Variants in SLC9A5 observed in about 807,000 individuals in gnomAD.
SLC9A5 encodes the protein solute carrier family 9 member A5.
Under a neutral mutation model 91.7 loss-of-function variants are expected in SLC9A5, and 52 were observed. That is an observed-to-expected ratio of 0.57 (90% confidence interval 0.45 to 0.71). The LOEUF is 0.71. Among genes scored for constraint, SLC9A5 ranks in the 30% least tolerant of loss-of-function variants. The probability of loss-of-function intolerance (pLI) is 0.00; values close to 1 mark genes in which losing one functional copy is unlikely to be tolerated. For missense variants in SLC9A5, 871 were observed against 1,158.9 expected (o/e 0.75, Z 3.61); for synonymous variants, 419 against 474.5 (o/e 0.88, Z 1.52).
At chr16:67,264,319 A>G (rs1410531043) in intron 12 of SLC9A5, 33 bp from the exon 13 acceptor site, 1 of 1,607,192 alleles carries the variant, frequency 6.2e-7, no homozygotes, top group East Asian at 2.2e-5. Flanking sequence ...CAAGGCATCC[A>G]TCCTCATAGC....
Position 67,257,506 on chromosome 16 carries a change from G to A in SLC9A5, c.1426-25G>A. The A allele has an allele frequency of 1.2e-6, 2 of 1,613,962 alleles. No homozygotes were observed. The highest frequency in any genetic ancestry group is 1.7e-6 in the Non-Finnish European group (2 of 1,179,870). On this transcript the variant is annotated intron_variant, in intron 8 of 15. Transcript: ENST00000299798. The surrounding 1 kb of genome is among the most constrained non-coding windows in gnomAD (Gnocchi z 5.1). ...CTATTTTGGGCAGAGTCCTGATCCA[G>A]TCCCCCTACCCACCCCCCTTCTAGA...
chr16:67,254,318 T>C (rs1163622536), intron 2 of SLC9A5, among the ~76,000 whole-genome samples: 1 of 152,232 alleles, frequency 6.6e-6, no homozygotes, highest in Non-Finnish European at 1.5e-5. Flanking sequence ...TTCCCCCTAA[T>C]AAAAATAGTT....
Position 67,257,182 on chromosome 16 carries a change from G to A in SLC9A5, c.1335+69G>A. On this transcript the variant is annotated intron_variant, in intron 7 of 15. Transcript: ENST00000299798. This position sits in a 1 kb window ranked among gnomAD's most constrained non-coding sequence, Gnocchi z 5.1. ...CCCTGGGGGAGTCTTGGAGCCTGTG[G>A]GACAGGGGCTTCTCTTCCCGCTGGG... The A allele has an allele frequency of 2.0e-6, 3 of 1,489,850 alleles. No individual in the cohort carries two copies. The highest frequency in any genetic ancestry group is 2.8e-6 in the Non-Finnish European group (3 of 1,089,708). The allele number at this position is 1,489,850 out of a possible 1,614,324, so 92.3% of individuals were successfully genotyped here.
intron 10 of SLC9A5, among the ~76,000 whole-genome samples, chr16:67,259,119 C>T (rs1282771915): frequency 6.6e-6 from 1 of 151,914 alleles, no homozygotes; most frequent in African/African-American, 2.4e-5. Flanking sequence ...ACTAGCCAGG[C>T]GTGGTGGTGG....
At position 67,270,628 on chromosome 16, in the gene SLC9A5, C is replaced by A; in HGVS notation, c.2219-110C>A. 1 of 797,648 alleles carries A rather than the reference C, an allele frequency of 1.3e-6. No homozygotes were observed. The highest frequency in any genetic ancestry group is 2.9e-5 in the Admixed American group (1 of 34,008). 49.4% of individuals were successfully genotyped at this position (797,648 alleles called of 1,614,324 possible). ...CTCAGCAAGACATTCATCCGATAAT[C>A]GCAAAAATGGACGGCATATGGAAAC... is the stretch of plus-strand genomic sequence containing the variant. On this transcript the variant is annotated intron_variant, in intron 15 of 15. Coordinates refer to ENST00000299798, the MANE Select transcript of SLC9A5 (RefSeq NM_004594.3). This position sits in a 1 kb window ranked among gnomAD's most constrained non-coding sequence, Gnocchi z 4.3.
At chr16:67,262,185 C>A (rs72798023) in intron 12 of SLC9A5, 11,262 of 436,642 alleles carry the variant, frequency 0.026, 213 homozygotes, top group Non-Finnish European at 0.036. Context: ...TTGTATTCAT[C>A]CAAATCCACA....
In SLC9A5 at chr16:67,256,053, G is replaced by A. The variant is rs2035306268; in HGVS notation, c.911+123G>A. 2.2e-5 allele frequency: 24 copies of A among 1,076,970 alleles called. No homozygotes were observed. The South Asian group carries it at 3.5e-4, about 16-fold the overall frequency. 66.7% of individuals were successfully genotyped at this position (1,076,970 alleles called of 1,614,324 possible). On this transcript the variant is annotated intron_variant, in intron 5 of 15. Transcript: ENST00000299798. The surrounding 1 kb of genome is among the most constrained non-coding windows in gnomAD (Gnocchi z 4.1). ...GTTTCCCTGAGCCCTTGTGGTAGTG[G>A]GAGCCTCAGACTGTCCTGGGGAGTC...
Position 67,258,974 on chromosome 16 carries a change from A to G in SLC9A5, c.1626+527A>G, listed in dbSNP as rs1270539705. Among the ~76,000 whole-genome samples the G allele has an allele frequency of 2.3e-5, 3 of 133,030 alleles. No homozygotes were observed. Among genetic ancestry groups the G allele is most frequent in the Non-Finnish European group, 4.8e-5 (3 of 61,944 alleles). 87.3% of individuals were successfully genotyped at this position (133,030 alleles called of 152,430 possible). ...GGCAGGAGAATCGCTAAAATCTGGG[A>G]AGCGGGCTGGGCACGGTGGCTCACA... is the stretch of plus-strand genomic sequence containing the variant. On this transcript the variant is annotated intron_variant, in intron 10 of 15. Transcript: ENST00000299798. The surrounding 1 kb of genome is among the most constrained non-coding windows in gnomAD (Gnocchi z 4.5).
Position 67,255,998 on chromosome 16 carries a change from G to A in SLC9A5, c.911+68G>A. 6.5e-7 allele frequency: 1 copy of A among 1,527,196 alleles called. No homozygotes were observed. The highest frequency in any genetic ancestry group is 1.4e-5 in the African/African-American group (1 of 73,346). 94.6% of individuals were successfully genotyped at this position (1,527,196 alleles called of 1,614,324 possible). ...ACTGGAGATGGTTGCCCCTCATAGG[G>A]ACACAGGCAGGAACTTCAGGAGTCC... On this transcript the variant is annotated intron_variant, in intron 5 of 15. Coordinates refer to ENST00000299798, the MANE Select transcript of SLC9A5 (RefSeq NM_004594.3). The surrounding 1 kb of genome is among the most constrained non-coding windows in gnomAD (Gnocchi z 4.9).
In SLC9A5 at chr16:67,256,878, G is replaced by A. The variant is rs200093943; in HGVS notation, c.1133-33G>A. ...CGGTCCCACGTCCTCCACTCCCAAC[G>A]CTTTGCTCCCACTGGCCTCCCTCCC... On this transcript the variant is annotated intron_variant, in intron 6 of 15. Transcript: ENST00000299798. The surrounding 1 kb of genome is among the most constrained non-coding windows in gnomAD (Gnocchi z 4.1). 60 of 1,607,456 alleles carry A rather than the reference G, an allele frequency of 3.7e-5. No individual in the cohort carries two copies. In the Admixed American group the frequency reaches 4.8e-4, roughly 13 times the overall value.
intron 1 of SLC9A5, among the ~76,000 whole-genome samples, chr16:67,251,942 TGGATAA>T (rs1194065005): frequency 6.6e-6 from 1 of 152,096 alleles, no homozygotes; most frequent in Non-Finnish European, 1.5e-5. Context: ...ATAATGGCTA[TGGATAA>T]GGGTTGTCAG....
intron 14 of SLC9A5, among the ~76,000 whole-genome samples, chr16:67,265,308 A>G (rs1482828333): frequency 2.6e-5 from 4 of 152,232 alleles, no homozygotes; most frequent in South Asian, 4.1e-4. Context: ...CTGATTGCTA[A>G]CTATGGGTTA....
intron 2 of SLC9A5, among the ~76,000 whole-genome samples, chr16:67,253,965 T>C (rs752027241): frequency 6.6e-6 from 1 of 152,192 alleles, no homozygotes; most frequent in Non-Finnish European, 1.5e-5. Context: ...ACGTTTACAA[T>C]TGCTACCTGG....
At chr16:67,254,445 G>A (rs1272681091) in intron 2 of SLC9A5, among the ~76,000 whole-genome samples, 1 of 152,144 alleles carries the variant, frequency 6.6e-6, no homozygotes, top group Non-Finnish European at 1.5e-5. Flanking sequence ...CACCCAGGCT[G>A]GAGTGCAGTG....
chr16:67,259,559 C>T lies in SLC9A5; in HGVS notation c.1627-14C>T. On this transcript the variant is annotated splice_polypyrimidine_tract_variant and intron_variant, in intron 10 of 15. Coordinates refer to ENST00000299798, the MANE Select transcript of SLC9A5 (RefSeq NM_004594.3). Reference sequence around the variant, plus strand: ...CATCTGATTGCTGGCTGACCTTGGTCTTGACACCTGCAGGGAGGCCACGTC... The same window carrying T: ...CATCTGATTGCTGGCTGACCTTGGTTTTGACACCTGCAGGGAGGCCACGTC... The T allele has an allele frequency of 1.2e-6, 2 of 1,611,664 alleles. No homozygotes were observed. Among genetic ancestry groups the T allele is most frequent in the Non-Finnish European group, 1.7e-6 (2 of 1,177,872 alleles).
chr16:67,250,598 G>T (rs1353983857), intron 1 of SLC9A5, among the ~76,000 whole-genome samples: 3 of 152,198 alleles, frequency 2.0e-5, no homozygotes, highest in Admixed American at 6.5e-5. Context: ...GGAAGTAAGA[G>T]AAGAGAGCCT....
At chr16:67,251,341 T>C (rs1376252206) in intron 1 of SLC9A5, among the ~76,000 whole-genome samples, 1 of 150,968 alleles carries the variant, frequency 6.6e-6, no homozygotes, top group Non-Finnish European at 1.5e-5. Flanking sequence ...GACATTATAA[T>C]AGGTAACATT....
Position 67,255,272 on chromosome 16 carries a change from T to C in SLC9A5, c.654+88T>C. 1.3e-6 allele frequency: 2 copies of C among 1,537,794 alleles called. No individual in the cohort carries two copies. Among genetic ancestry groups the C allele is most frequent in the Non-Finnish European group, 1.8e-6 (2 of 1,124,282 alleles). ...GTCTGCGCAGACTCAGTCCCTTCCC[T>C]TGGGTCCCCTGGGGCAGAAATATGC... On this transcript the variant is annotated intron_variant, in intron 3 of 15. Transcript: ENST00000299798. This position sits in a 1 kb window ranked among gnomAD's most constrained non-coding sequence, Gnocchi z 4.9.
At chr16:67,261,471 C>T (rs2035528188) in intron 12 of SLC9A5, 1 of 152,232 alleles carries the variant, frequency 6.6e-6, no homozygotes, top group African/African-American at 2.4e-5. Flanking sequence ...TACCACATCC[C>T]TCCCACACTT....
Sources: gnomAD v4.1 joint callset for allele counts (sites outside exome capture counted in the v4.1 genomes callset) on GRCh38, gnomAD v4.1.1 for gene constraint, Gnocchi (gnomAD v3.1) non-coding constraint, MANE v1.5 for transcripts, NCBI Gene and HGNC (gene_info 2026-07-23, HGNC 2026-07-21) for gene names.